The following GNAQ variants were observed in gnomAD, a reference collection of about 807,000 sequenced individuals.
GNAQ encodes the protein guanine nucleotide-binding protein G(q) subunit alpha.
Under a neutral mutation model 43.9 loss-of-function variants are expected in GNAQ, and 8 were observed. That is an observed-to-expected ratio of 0.18 (90% CI 0.11 to 0.33). GNAQ has a LOEUF of 0.33. Among genes scored for constraint, GNAQ ranks in the 10% least tolerant of loss-of-function variants. The pLI is 1.00. For synonymous variants in GNAQ, 155 were observed against 170.7 expected (o/e 0.91, Z 0.71); for missense variants, 158 against 450.8 (o/e 0.35, Z 5.88).
chr9:77,880,824 C>T (rs1828196445), intron 2 of GNAQ, among the ~76,000 whole-genome samples: 1 of 152,092 alleles, frequency 6.6e-6, no homozygotes, highest in African/African-American at 2.4e-5. Flanking sequence ...TTTTTCACTG[C>T]ATGGAAAGGA....
intron 1 of GNAQ, among the ~76,000 whole-genome samples, chr9:78,001,617 A>G (rs1306532134): frequency 6.6e-6 from 1 of 150,930 alleles, no homozygotes; most frequent in Non-Finnish European, 1.5e-5. Flanking sequence ...TCATGGATTG[A>G]GTTGAAACAC....
chr9:77,986,623 AG>A (rs929665271), intron 1 of GNAQ, among the ~76,000 whole-genome samples: 33 of 152,052 alleles, frequency 2.2e-4, no homozygotes, highest in African/African-American at 7.5e-4. Flanking sequence ...CTTCCTCCTT[AG>A]CCTCCCAAGT....
chr9:77,815,908 G>C (rs1283833476), intron 2 of GNAQ, 138 bp from the exon 3 acceptor site: 11 of 542,278 alleles, frequency 2.0e-5, no homozygotes, highest in Non-Finnish European at 3.5e-5. Flanking sequence ...ATAAAGTCAT[G>C]TTTCATATTT....
chr9:77,855,494 C>T (rs953176582), intron 2 of GNAQ, among the ~76,000 whole-genome samples: 6 of 152,206 alleles, frequency 3.9e-5, no homozygotes, highest in Middle Eastern at 6.8e-3. Flanking sequence ...ATCTATATTA[C>T]TAGCCCAATT....
At position 77,739,189 on chromosome 9, in the gene GNAQ, A is replaced by C. The variant is rs539570989; in HGVS notation, c.736-10522T>G. Among the ~76,000 whole-genome samples the C allele has an allele frequency of 6.0e-4, 92 of 152,284 alleles. 1 individual carries two copies. The highest frequency in any genetic ancestry group is 3.4e-3 in the Middle Eastern group (1 of 294). On this transcript the variant is annotated intron_variant, in intron 5 of 6. Coordinates refer to ENST00000286548, the MANE Select transcript of GNAQ (RefSeq NM_002072.5). The stretch of plus-strand genomic sequence containing the variant: ...GAGCTACCCTTTTAGAATCTTTTTC[A>C]TATCAAATTACATGTGGCATGAAAT...
chr9:77,844,209 A>T (rs1039200807), intron 2 of GNAQ, among the ~76,000 whole-genome samples: 2 of 152,186 alleles, frequency 1.3e-5, no homozygotes, highest in South Asian at 4.1e-4. Context: ...TTCATCTAGC[A>T]GAAAACAATG....
chr9:77,928,649 G>A (rs768311579), intron 1 of GNAQ, among the ~76,000 whole-genome samples: 2 of 152,164 alleles, frequency 1.3e-5, no homozygotes, highest in Non-Finnish European at 2.9e-5. Flanking sequence ...GTAAACATTT[G>A]TGTATTAAAA....
intron 2 of GNAQ, among the ~76,000 whole-genome samples, chr9:77,914,987 G>A (rs971630714): frequency 3.3e-5 from 5 of 152,012 alleles, no homozygotes; most frequent in Non-Finnish European, 7.4e-5. Context: ...GCTGTAGAAT[G>A]GATAAAGTTC....
chr9:77,897,634 G>T (rs542633196), intron 2 of GNAQ, among the ~76,000 whole-genome samples: 14 of 152,270 alleles, frequency 9.2e-5, no homozygotes, highest in African/African-American at 3.4e-4. Context: ...TCGGGTGGGG[G>T]TGTCCCCTGA....
intron 6 of GNAQ, among the ~76,000 whole-genome samples, chr9:77,723,372 C>T (rs1825348950): frequency 1.3e-5 from 2 of 152,298 alleles, no homozygotes; most frequent in African/African-American, 4.8e-5. Context: ...TATGACCGAC[C>T]CTGCTAGTCT....
chr9:77,973,512 G>T (rs1823263175), intron 1 of GNAQ, among the ~76,000 whole-genome samples: 1 of 151,954 alleles, frequency 6.6e-6, no homozygotes, highest in African/African-American at 2.4e-5. Flanking sequence ...TTCTTTGAGG[G>T]AAACATAGAA....
At position 77,808,966 on chromosome 9, in the gene GNAQ, T is replaced by C. The variant is rs150408545; in HGVS notation, c.476+6650A>G. ...CAATATACCCTGGAGTACAAGTATT[T>C]GACTCATCAGTCAGCAACTTCTTAG... On this transcript the variant is annotated intron_variant, in intron 3 of 6. Transcript: ENST00000286548. Among the ~76,000 whole-genome samples the C allele has an allele frequency of 3.1e-3, 474 of 152,294 alleles. 3 individuals carry two copies. Among genetic ancestry groups the C allele is most frequent in the Middle Eastern group, 0.014 (4 of 294 alleles).
chr9:77,986,264 A>T (rs989092079), intron 1 of GNAQ, among the ~76,000 whole-genome samples: 2 of 152,204 alleles, frequency 1.3e-5, no homozygotes, highest in African/African-American at 4.8e-5. Context: ...AGCCTAACAG[A>T]AACAGCCATT....
At chr9:78,021,888 C>T (rs1044682712) in intron 1 of GNAQ, among the ~76,000 whole-genome samples, 1 of 152,274 alleles carries the variant, frequency 6.6e-6, no homozygotes, top group Non-Finnish European at 1.5e-5. Context: ...CCGAGCAGCG[C>T]TGGAACACTG....
intron 2 of GNAQ, among the ~76,000 whole-genome samples, chr9:77,864,549 G>A (rs1827917392): frequency 6.6e-6 from 1 of 152,156 alleles, no homozygotes; most frequent in Non-Finnish European, 1.5e-5. Context: ...AGATGGACCT[G>A]ATCCCTGCTG....
chr9:77,734,698 G>A (rs527539944), intron 5 of GNAQ, among the ~76,000 whole-genome samples: 1 of 152,234 alleles, frequency 6.6e-6, no homozygotes, highest in South Asian at 2.1e-4. Context: ...AGCCAGTCAG[G>A]TGACTGTGAT....
intron 5 of GNAQ, among the ~76,000 whole-genome samples, chr9:77,778,214 TACACACACACAC>T (rs34540195): frequency 6.7e-6 from 1 of 149,616 alleles, no homozygotes; most frequent in African/African-American, 2.4e-5. Flanking sequence ...TTTACACGTT[TACACACACACAC>T]ACACACACAC....
chr9:77,759,494 G>A (rs563683017), intron 5 of GNAQ, among the ~76,000 whole-genome samples: 8 of 152,094 alleles, frequency 5.3e-5, no homozygotes, highest in African/African-American at 1.7e-4. Context: ...ACTTATATGC[G>A]AAACACTTAA....
chr9:77,938,793 C>T (rs1012769777), intron 1 of GNAQ, among the ~76,000 whole-genome samples: 1 of 152,188 alleles, frequency 6.6e-6, no homozygotes, highest in Non-Finnish European at 1.5e-5. Flanking sequence ...TCAGGGCATA[C>T]AGGCTAGAAG....
Sources: allele counts gnomAD v4.1 joint callset (sites outside exome capture counted in the v4.1 genomes callset), GRCh38; gene constraint gnomAD v4.1.1; transcripts MANE v1.5; gene names NCBI Gene and HGNC (gene_info 2026-07-23, HGNC 2026-07-21).